The following EDEM2 variants were observed in gnomAD, a reference collection of about 807,000 sequenced individuals.
EDEM2 encodes the protein ER degradation enhancing alpha-mannosidase like protein 2.
EDEM2 carries 39 observed loss-of-function variants against 64.8 expected under a neutral mutation model. That is an observed-to-expected ratio of 0.60 (90% CI 0.47 to 0.79). The LOEUF (loss-of-function observed/expected upper bound fraction) is 0.79, where lower values mean the gene tolerates loss of function less well. EDEM2 is among the 30% of genes least tolerant of loss of function. The pLI is 0.00. For missense variants in EDEM2, 609 were observed against 731.3 expected, an observed-to-expected ratio of 0.83 and a Z score of 1.93; for synonymous variants, 296 against 291.5, an observed-to-expected ratio of 1.02 and a Z score of -0.16.
chr20:35,116,806 T>A (rs1368722674), intron 10 of EDEM2, among the ~76,000 whole-genome samples: 1 of 151,992 alleles, frequency 6.6e-6, no homozygotes, highest in African/African-American at 2.4e-5. Context: ...TTTTTTTTTT[T>A]AGAGATGGAG....
intron 6 of EDEM2, among the ~76,000 whole-genome samples, chr20:35,133,468 C>T (rs1474953901): frequency 6.6e-6 from 1 of 151,278 alleles, no homozygotes; most frequent in Non-Finnish European, 1.5e-5. Flanking sequence ...CAGCGGGGCA[C>T]CTTTTTTTTT....
At chr20:35,130,174 T>A (rs1254836064) in intron 7 of EDEM2, among the ~76,000 whole-genome samples, 1 of 152,102 alleles carries the variant, frequency 6.6e-6, no homozygotes, top group Non-Finnish European at 1.5e-5. Context: ...GGTCAAGCAA[T>A]CCTTCACCTT....
chr20:35,137,893 T>A lies in EDEM2; in HGVS notation c.477A>T (p.Arg159=). Residue 159 remains arginine, a synonymous_variant, in exon 5 of 11, where the codon CGA becomes CGT. Transcript: ENST00000374492. The part of the protein sequence containing the change: ...PLLRMAEEAA[R]KLLPAFQTPT... ...TGTGGGTCTTACCTGGGAGGAGTTT[T>A]CGGGCCGCCTCCTCAGCCATTCTCA... 1 of 1,614,124 alleles carries A rather than the reference T, an allele frequency of 6.2e-7. No individual in the cohort carries two copies. Among genetic ancestry groups the A allele is most frequent in the Non-Finnish European group, 8.5e-7 (1 of 1,179,984 alleles).
At position 35,147,325 on chromosome 20, in the gene EDEM2, T is replaced by C. The variant is rs1402782398; in HGVS notation, c.-67A>G. 3.6e-6 allele frequency: 5 copies of C among 1,390,674 alleles called. No homozygotes were observed. The African/African-American group carries it at 5.9e-5, about 16-fold the overall frequency. 86.1% of individuals were successfully genotyped at this position (1,390,674 alleles called of 1,614,324 possible). A position where few individuals can be genotyped will look rare whatever the true frequency, so the allele number is the denominator to read the frequency against. On this transcript the variant is annotated 5_prime_UTR_variant, in exon 1 of 11. Transcript: ENST00000374492. ...ACTGCAACCAGTTCATCCTGGGAGC[T>C]GCTGCGGGTTCTTCCGGGAATCCGC... is the stretch of plus-strand genomic sequence containing the variant.
intron 4 of EDEM2, among the ~76,000 whole-genome samples, chr20:35,138,591 T>G (rs1275661646): frequency 6.6e-6 from 1 of 151,790 alleles, no homozygotes; most frequent in Non-Finnish European, 1.5e-5. Context: ...TTTTTTTTTT[T>G]TTTTTTGAGA....
At position 35,147,296 on chromosome 20, in the gene EDEM2, A is replaced by C. The variant is rs1414602502; in HGVS notation, c.-38T>G. On this transcript the variant is annotated 5_prime_UTR_variant, in exon 1 of 11. Coordinates refer to ENST00000374492, the MANE Select transcript of EDEM2 (RefSeq NM_018217.3). ...CTCTCAGCGCCCCCGCAGCAGCAGCAGCCACTGCAACCAGTTCATCCTGGG... is the reference window on the plus strand; with the variant it reads ...CTCTCAGCGCCCCCGCAGCAGCAGCCGCCACTGCAACCAGTTCATCCTGGG... 1.4e-6 allele frequency: 2 copies of C among 1,467,864 alleles called. No individual in the cohort carries two copies. The highest frequency in any genetic ancestry group is 1.8e-6 in the Non-Finnish European group (2 of 1,105,642). The allele number at this position is 1,467,864 out of a possible 1,614,324, so 90.9% of individuals were successfully genotyped here. A position where few individuals can be genotyped will look rare whatever the true frequency, so the allele number is the denominator to read the frequency against.
chr20:35,146,473 C>G (rs760630735), intron 2 of EDEM2, among the ~76,000 whole-genome samples: 3 of 152,138 alleles, frequency 2.0e-5, no homozygotes, highest in Non-Finnish European at 4.4e-5. Context: ...CTTCCTGGAT[C>G]TGAATGCCCA....
intron 7 of EDEM2, among the ~76,000 whole-genome samples, chr20:35,127,453 A>G (rs1356560071): frequency 1.3e-5 from 2 of 152,156 alleles, no homozygotes; most frequent in Admixed American, 6.5e-5. Context: ...TTTATCCCTC[A>G]TATCTCTCCC....
At chr20:35,125,927 C>T (rs2085427166) in intron 8 of EDEM2, among the ~76,000 whole-genome samples, 1 of 152,060 alleles carries the variant, frequency 6.6e-6, no homozygotes, top group Non-Finnish European at 1.5e-5. Flanking sequence ...TTCCTGAGGC[C>T]CACTGTCAAG....
chr20:35,124,264 T>C (rs2085403722), intron 8 of EDEM2, among the ~76,000 whole-genome samples: 1 of 152,156 alleles, frequency 6.6e-6, no homozygotes, highest in African/African-American at 2.4e-5. Flanking sequence ...GAACAAAGAT[T>C]GTATATTAAG....
In EDEM2 at chr20:35,126,261, G is replaced by A. The variant is rs2085430786; in HGVS notation, c.959C>T (p.Pro320Leu). The A allele has an allele frequency of 1.2e-6, 2 of 1,613,808 alleles. No individual in the cohort carries two copies. The highest frequency in any genetic ancestry group is 1.7e-6 in the Non-Finnish European group (2 of 1,179,996). Reference sequence around the variant, plus strand: ...TTTGATCATTCCTACCTGAAGACCAGGCCAGTAGGCCTCCAAGGACTGGAA... The same window carrying A: ...TTTGATCATTCCTACCTGAAGACCAAGCCAGTAGGCCTCCAAGGACTGGAA... ...PVFQSLEAYW[P>L]GLQSLIGDID... The change falls in exon 8 of 11, where the codon CCT becomes CTT. Residue 320 changes from proline (P) to leucine (L), a missense_variant. Transcript: ENST00000374492.
chr20:35,141,798 G>T (rs548601377), intron 4 of EDEM2, among the ~76,000 whole-genome samples: 1 of 151,516 alleles, frequency 6.6e-6, no homozygotes, highest in South Asian at 2.1e-4. Flanking sequence ...ACTTGGGAGT[G>T]GTTCCTATGG....
At chr20:35,137,755 T>C (rs530652289) in intron 5 of EDEM2, 125 bp downstream of exon 5, 3 of 1,388,146 alleles carry the variant, frequency 2.2e-6, no homozygotes, top group East Asian at 4.9e-5. Flanking sequence ...GCCTGGTGGG[T>C]AGAAAGACCA....
intron 7 of EDEM2, among the ~76,000 whole-genome samples, chr20:35,129,056 C>A (rs1020240541): frequency 6.6e-6 from 1 of 150,968 alleles, no homozygotes; most frequent in South Asian, 2.1e-4. Flanking sequence ...CACCTGAGAT[C>A]AGGAGTTTGA....
chr20:35,135,085 A>G, intron 5 of EDEM2, 136 bp from the exon 6 acceptor site: 1 of 876,776 alleles, frequency 1.1e-6, no homozygotes, highest in Non-Finnish European at 1.7e-6. Flanking sequence ...GAGCCAGAGA[A>G]AGATAAATGT....
At chr20:35,122,562 T>C (rs546940043) in intron 9 of EDEM2, among the ~76,000 whole-genome samples, 2 of 151,886 alleles carry the variant, frequency 1.3e-5, no homozygotes, top group Non-Finnish European at 2.9e-5. Context: ...TTAGTAGAGA[T>C]GGGGTTTCAC....
chr20:35,147,147 T>C lies in EDEM2; in HGVS notation c.107+5A>G, dbSNP rs754388669. 2 of 1,600,824 alleles carry C rather than the reference T, an allele frequency of 1.2e-6. 1 individual carries two copies. Among genetic ancestry groups the C allele is most frequent in the South Asian group, 2.2e-5 (2 of 89,626 alleles). On this transcript the variant is annotated splice_donor_5th_base_variant and intron_variant, in intron 1 of 10. Transcript: ENST00000374492. ...CCAACTGCGAAAGGGCGGGTCACAG[T>C]TCACCTGTAGTGGGCGGGATCTGGC...
intron 5 of EDEM2, among the ~76,000 whole-genome samples, chr20:35,136,604 T>C (rs1002325023): frequency 1.3e-5 from 2 of 151,524 alleles, no homozygotes; most frequent in Non-Finnish European, 2.9e-5. Flanking sequence ...AAAAAAAAAT[T>C]TAGCCATGCA....
At chr20:35,138,114 G>T in intron 4 of EDEM2, 109 bp from the exon 5 acceptor site, 2 of 1,415,548 alleles carry the variant, frequency 1.4e-6, no homozygotes, top group Non-Finnish European at 1.9e-6. Context: ...TGGGGCGCAT[G>T]TTCTCAGGAC....
Sources: allele counts gnomAD v4.1 joint callset (sites outside exome capture counted in the v4.1 genomes callset), GRCh38; gene constraint gnomAD v4.1.1; transcripts MANE v1.5; gene names NCBI Gene and HGNC (gene_info 2026-07-23, HGNC 2026-07-21).